LRRTM4: variants seen among roughly 807,000 people sequenced by gnomAD.
LRRTM4 encodes leucine-rich repeat transmembrane neuronal protein 4.
LRRTM4 carries 25 observed loss-of-function variants against 47.6 expected under a neutral mutation model. The observed-to-expected ratio is 0.53, with a 90% confidence interval of 0.38 to 0.73. The LOEUF (loss-of-function observed/expected upper bound fraction) is 0.73. Ranked by LOEUF, LRRTM4 falls within the 30% of genes least tolerant of loss-of-function variation. The pLI, the probability that LRRTM4 is intolerant of heterozygous loss-of-function variation, is 0.00. For synonymous variants in LRRTM4, 311 were observed against 269.5 expected (o/e 1.15, Z -1.51); for missense variants, 638 against 713.4 (o/e 0.89, Z 1.20).
chr2:76,819,915 T>C (rs1200676028), intron 3 of LRRTM4, among the ~76,000 whole-genome samples: 1 of 151,940 alleles, frequency 6.6e-6, no homozygotes, highest in African/African-American at 2.4e-5. Flanking sequence ...GTGATCTGAG[T>C]CTTCAGCCAC....
intron 3 of LRRTM4, among the ~76,000 whole-genome samples, chr2:76,793,683 C>T (rs1267236861): frequency 6.6e-6 from 1 of 152,080 alleles, no homozygotes; most frequent in South Asian, 2.1e-4. Context: ...GTCAGTGATT[C>T]ACAGGTTGCC....
intron 3 of LRRTM4, among the ~76,000 whole-genome samples, chr2:76,786,497 A>T (rs1373263651): frequency 4.0e-5 from 6 of 150,520 alleles, no homozygotes; most frequent in African/African-American, 1.2e-4. Flanking sequence ...TGAATTAATA[A>T]GAATTATGAA....
intron 3 of LRRTM4, among the ~76,000 whole-genome samples, chr2:77,126,722 TA>T (rs1671661343): frequency 6.6e-6 from 1 of 152,114 alleles, no homozygotes. Flanking sequence ...AATGGAGTCC[TA>T]GGGGGTTGAT....
At chr2:77,297,760 A>C (rs555787757) in intron 3 of LRRTM4, among the ~76,000 whole-genome samples, 1 of 152,312 alleles carries the variant, frequency 6.6e-6, no homozygotes, top group South Asian at 2.1e-4. Context: ...AAGTCAATTA[A>C]TAATGATATA....
intron 3 of LRRTM4, among the ~76,000 whole-genome samples, chr2:77,478,642 A>T (rs940535936): frequency 6.6e-6 from 1 of 152,192 alleles, no homozygotes; most frequent in Middle Eastern, 3.2e-3. Context: ...ACACACTGAC[A>T]CATTTCATTG....
At chr2:77,208,426 C>T (rs1674201370) in intron 3 of LRRTM4, among the ~76,000 whole-genome samples, 1 of 152,100 alleles carries the variant, frequency 6.6e-6, no homozygotes, top group Non-Finnish European at 1.5e-5. Context: ...TACAAGAAGG[C>T]AGACAGGAGT....
chr2:76,933,484 T>A (rs146535037), intron 3 of LRRTM4, among the ~76,000 whole-genome samples: 2 of 152,066 alleles, frequency 1.3e-5, no homozygotes, highest in African/African-American at 2.4e-5. Context: ...AAAAGGTAAA[T>A]AGAATTGGGG....
chr2:77,465,476 G>A (rs543345422), intron 3 of LRRTM4, among the ~76,000 whole-genome samples: 7 of 152,200 alleles, frequency 4.6e-5, no homozygotes, highest in South Asian at 2.1e-4. Context: ...TGTTAATAAC[G>A]TGTTCTAGTC....
Position 77,333,237 on chromosome 2 carries a change from T to C in LRRTM4, c.1551+185081A>G, listed in dbSNP as rs114787572. On this transcript the variant is annotated intron_variant, in intron 3 of 3. Coordinates refer to ENST00000409884, the MANE Select transcript of LRRTM4 (RefSeq NM_001134745.3). The stretch of plus-strand genomic sequence containing the variant: ...AAAGGAAACTAATACAGTGAATTGA[T>C]ACCAGGAGTGGGGTTCTTCTATACC... 2.9e-3 allele frequency among the ~76,000 whole-genome samples: 448 copies of C among 152,298 alleles called. 2 individuals are homozygous for C. The highest frequency in any genetic ancestry group is 5.2e-3 in the Non-Finnish European group (357 of 68,024).
intron 3 of LRRTM4, among the ~76,000 whole-genome samples, chr2:77,187,155 A>G (rs1285981704): frequency 6.6e-6 from 1 of 152,152 alleles, no homozygotes; most frequent in Non-Finnish European, 1.5e-5. Context: ...GGAAGTCTGT[A>G]GCCAATGTCT....
intron 3 of LRRTM4, among the ~76,000 whole-genome samples, chr2:77,459,527 C>G (rs1204302375): frequency 6.6e-6 from 1 of 151,938 alleles, no homozygotes; most frequent in Non-Finnish European, 1.5e-5. Context: ...GATTATATCT[C>G]TGCACAGATC....
At chr2:76,832,190 A>AGCATGTCTG (rs1671372724) in intron 3 of LRRTM4, among the ~76,000 whole-genome samples, 1 of 152,100 alleles carries the variant, frequency 6.6e-6, no homozygotes, top group Admixed American at 6.6e-5. Flanking sequence ...TGCCTTGTTT[A>AGCATGTCTG]GCATGTCTGA....
At chr2:76,936,587 A>T (rs1255082619) in intron 3 of LRRTM4, among the ~76,000 whole-genome samples, 10 of 112,554 alleles carry the variant, frequency 8.9e-5, no homozygotes, top group African/African-American at 4.9e-4. Flanking sequence ...AAGTATAATA[A>T]AAAAAAAAAA....
chr2:77,172,809 TG>T (rs957469579), intron 3 of LRRTM4, among the ~76,000 whole-genome samples: 4 of 152,094 alleles, frequency 2.6e-5, no homozygotes, highest in African/African-American at 9.7e-5. Context: ...CCCCCTGTGA[TG>T]TATCACTGAG....
chr2:77,286,919 T>C (rs1230905776), intron 3 of LRRTM4, among the ~76,000 whole-genome samples: 2 of 152,138 alleles, frequency 1.3e-5, no homozygotes, highest in Non-Finnish European at 2.9e-5. Context: ...ATAGTATCTG[T>C]TCTCAGAATC....
At chr2:76,901,649 G>A (rs1001186497) in intron 3 of LRRTM4, among the ~76,000 whole-genome samples, 3 of 152,070 alleles carry the variant, frequency 2.0e-5, no homozygotes, top group Non-Finnish European at 2.9e-5. Context: ...AGATATAAAA[G>A]CCCAGAATGA....
In LRRTM4 at chr2:77,050,931, T is replaced by G. The variant is rs374517227; in HGVS notation, c.1552-302015A>C. Reference sequence around the variant, plus strand: ...ATTCAGTCATATACTCTCTAAGTAATCATGACAATGTCTTATATTCTCAGA... The same window carrying G: ...ATTCAGTCATATACTCTCTAAGTAAGCATGACAATGTCTTATATTCTCAGA... On this transcript the variant is annotated intron_variant, in intron 3 of 3. Transcript: ENST00000409884. Among the ~76,000 whole-genome samples, 7 of 152,274 alleles carry G rather than the reference T, an allele frequency of 4.6e-5. No individual in the cohort carries two copies. In the South Asian group the frequency reaches 1.2e-3, roughly 27 times the overall value.
At chr2:77,220,775 C>T (rs1674599026) in intron 3 of LRRTM4, among the ~76,000 whole-genome samples, 2 of 152,228 alleles carry the variant, frequency 1.3e-5, no homozygotes, top group Admixed American at 1.3e-4. Flanking sequence ...AGTTGGAAAA[C>T]ACTCTGCAGG....
intron 3 of LRRTM4, among the ~76,000 whole-genome samples, chr2:76,993,652 T>C (rs1488379798): frequency 1.3e-5 from 2 of 152,070 alleles, no homozygotes; most frequent in African/African-American, 4.8e-5. Context: ...TATACGCTCT[T>C]CATGGAATGT....
Sources: allele counts gnomAD v4.1 joint callset (sites outside exome capture counted in the v4.1 genomes callset), GRCh38; gene constraint gnomAD v4.1.1; transcripts MANE v1.5; gene names NCBI Gene and HGNC (gene_info 2026-07-23, HGNC 2026-07-21).